NUP153: variants seen among roughly 807,000 people sequenced by gnomAD.
NUP153 encodes nucleoporin 153, also known as nuclear pore complex protein Nup153.
In NUP153, 27 loss-of-function variants were observed where a neutral mutation model predicts 134.6. That is an observed-to-expected ratio of 0.20 (90% confidence interval 0.15 to 0.28). The LOEUF (loss-of-function observed/expected upper bound fraction) is 0.28, where lower values mean the gene tolerates loss of function less well. Among genes scored for constraint, NUP153 ranks in the 10% least tolerant of loss-of-function variants. The pLI, the probability that NUP153 is intolerant of heterozygous loss-of-function variation, is 1.00. For missense variants in NUP153, 1,821 were observed against 1,731.3 expected, an observed-to-expected ratio of 1.05 and a Z score of -0.92; for synonymous variants, 640 against 623.5, an observed-to-expected ratio of 1.03 and a Z score of -0.40.
intron 5 of NUP153, among the ~76,000 whole-genome samples, chr6:17,672,675 AAAAAAAC>A (rs756798667): frequency 4.1e-4 from 63 of 151,992 alleles, no homozygotes; most frequent in African/African-American, 6.3e-4. Flanking sequence ...CCCATATGTT[AAAAAAAC>A]AAAAAACAAA....
At position 17,616,536 on chromosome 6, in the gene NUP153, A is replaced by T; in HGVS notation, c.4334T>A (p.Phe1445Tyr). ...GFPFNQSPAA[F>Y]TVGSNGKNVF... ...TAAAAAATTCTCTTACCCCACTGTA[A>T]ATGCTGCTGGAGACTGGTTAAATGG... Residue 1445 changes from phenylalanine to tyrosine, a missense_variant, in exon 21 of 22, where the codon TTT becomes TAT. Transcript: ENST00000262077. 1 of 1,607,428 alleles carries T rather than the reference A, an allele frequency of 6.2e-7. No individual in the cohort carries two copies. The highest frequency in any genetic ancestry group is 1.1e-5 in the South Asian group (1 of 90,094).
intron 1 of NUP153, among the ~76,000 whole-genome samples, chr6:17,695,627 T>C (rs9297042): frequency 0.12 from 17,992 of 152,230 alleles, 1,345 homozygotes; most frequent in East Asian, 0.31. Context: ...TATGTGTTTA[T>C]GATGCACAGC....
At chr6:17,636,350 A>G (rs2113782857) in intron 16 of NUP153, among the ~76,000 whole-genome samples, 1 of 152,068 alleles carries the variant, frequency 6.6e-6, no homozygotes, top group Admixed American at 6.6e-5. Flanking sequence ...AAAAAAAAAA[A>G]AGGAATGAAG....
intron 9 of NUP153, among the ~76,000 whole-genome samples, chr6:17,664,652 T>C (rs1767404382): frequency 6.6e-6 from 1 of 152,164 alleles, no homozygotes; most frequent in African/African-American, 2.4e-5. Context: ...TGCAGATAGT[T>C]CAACACCACC....
chr6:17,661,845 ACTG>A lies in NUP153; in HGVS notation c.1269-69_1269-67del, dbSNP rs968452570. 4 of 1,448,536 alleles carry A rather than the reference ACTG, an allele frequency of 2.8e-6. No homozygotes were observed. In the African/African-American group the frequency reaches 5.7e-5, roughly 21 times the overall value. 89.7% of individuals were successfully genotyped at this position (1,448,536 alleles called of 1,614,324 possible). Reference sequence around the variant, plus strand: ...TGTGGTCCATAACTTGTTAACTAGAACTGCTAACAAGTAAAAAAAAAATATACA... The same window carrying A: ...TGTGGTCCATAACTTGTTAACTAGAACTAACAAGTAAAAAAAAAATATACA... On this transcript the variant is annotated intron_variant, in intron 10 of 21. Coordinates refer to ENST00000262077, the MANE Select transcript of NUP153 (RefSeq NM_005124.4).
At position 17,615,726 on chromosome 6, in the gene NUP153, T is replaced by C. The variant is rs1475144952; in HGVS notation, c.*371A>G. 2 of 169,870 alleles carry C rather than the reference T, an allele frequency of 1.2e-5. No homozygotes were observed. The highest frequency in any genetic ancestry group is 2.5e-5 in the Non-Finnish European group (2 of 79,474). 10.5% of individuals were successfully genotyped at this position (169,870 alleles called of 1,614,324 possible). On this transcript the variant is annotated 3_prime_UTR_variant, in exon 22 of 22. Coordinates refer to ENST00000262077, the MANE Select transcript of NUP153 (RefSeq NM_005124.4). This position sits in a 1 kb window ranked among gnomAD's most constrained non-coding sequence, Gnocchi z 5.7. ...CAGAATTCCTCAGATATAATTACAATTTCAACGCGTTCCATGAACGCTTAT... is the reference window on the plus strand; with the variant it reads ...CAGAATTCCTCAGATATAATTACAACTTCAACGCGTTCCATGAACGCTTAT...
chr6:17,628,621 A>G lies in NUP153; in HGVS notation c.3544+34T>C. On this transcript the variant is annotated intron_variant, in intron 18 of 21. Coordinates refer to ENST00000262077, the MANE Select transcript of NUP153 (RefSeq NM_005124.4). This position sits in a 1 kb window ranked among gnomAD's most constrained non-coding sequence, Gnocchi z 5.4. ...AAAACGACAACTTGTAAAAAAAAAA[A>G]TAATAATAATAATAATAAAAAGTTA... The G allele has an allele frequency of 1.3e-6, 1 of 781,502 alleles. No homozygotes were observed. The highest frequency in any genetic ancestry group is 1.6e-6 in the Non-Finnish European group (1 of 614,074). 48.4% of individuals were successfully genotyped at this position (781,502 alleles called of 1,614,324 possible). A position where few individuals can be genotyped will look rare whatever the true frequency, so the allele number is the denominator to read the frequency against.
At chr6:17,656,634 G>A (rs1420152372) in intron 11 of NUP153, among the ~76,000 whole-genome samples, 1 of 152,012 alleles carries the variant, frequency 6.6e-6, no homozygotes, top group Non-Finnish European at 1.5e-5. Context: ...AACTTAGGGG[G>A]CACCAGGTTT....
intron 5 of NUP153, among the ~76,000 whole-genome samples, chr6:17,674,601 T>C (rs1768108443): frequency 6.6e-6 from 1 of 152,054 alleles, no homozygotes; most frequent in Non-Finnish European, 1.5e-5. Context: ...GAAACCCGTC[T>C]CTACTAAAAA....
At chr6:17,677,861 G>A (rs1210748730) in intron 2 of NUP153, among the ~76,000 whole-genome samples, 3 of 150,126 alleles carry the variant, frequency 2.0e-5, no homozygotes, top group African/African-American at 7.4e-5. Context: ...TTCTTCTTTC[G>A]TGTTTTCTGA....
intron 1 of NUP153, among the ~76,000 whole-genome samples, chr6:17,691,997 A>AT (rs1247570115): frequency 6.6e-6 from 1 of 152,146 alleles, no homozygotes; most frequent in Non-Finnish European, 1.5e-5. Flanking sequence ...AGATTTAAAA[A>AT]TTTTTTGGGG....
intron 8 of NUP153, among the ~76,000 whole-genome samples, chr6:17,667,567 G>A (rs537432264): frequency 8.6e-5 from 13 of 151,942 alleles, no homozygotes; most frequent in African/African-American, 3.1e-4. Context: ...ACAAAAAATC[G>A]GCCAGGCATG....
rs1029545299 is a variant in NUP153 at position 17,706,151 on chromosome 6, C to G, written c.111+126G>C. On this transcript the variant is annotated intron_variant, in intron 1 of 21. Transcript: ENST00000262077. This position sits in a 1 kb window ranked among gnomAD's most constrained non-coding sequence, Gnocchi z 5.9. ...CCCAACGGCCTGAGCTCCCCCGGAG[C>G]CTCACTCGGGCCTTTCCTCAGGCCC... 4.0e-6 allele frequency: 3 copies of G among 743,928 alleles called. No homozygotes were observed. Among genetic ancestry groups the G allele is most frequent in the Non-Finnish European group, 6.8e-6 (3 of 443,444 alleles). The allele number at this position is 743,928 out of a possible 1,614,324, so 46.1% of individuals were successfully genotyped here. A position where few individuals can be genotyped will look rare whatever the true frequency, so the allele number is the denominator to read the frequency against.
Position 17,706,252 on chromosome 6 carries a change from C to A in NUP153, c.111+25G>T, listed in dbSNP as rs1276648032. 2.5e-6 allele frequency: 4 copies of A among 1,578,102 alleles called. No homozygotes were observed. On this transcript the variant is annotated intron_variant, in intron 1 of 21. Coordinates refer to ENST00000262077, the MANE Select transcript of NUP153 (RefSeq NM_005124.4). The surrounding 1 kb of genome is among the most constrained non-coding windows in gnomAD (Gnocchi z 5.9). ...CAGCCGAGTTTCCCCACCCGCCAGG[C>A]CACCGCGGCGTCGGGGTCCCATACC...
rs1770495810 is a variant in NUP153 at position 17,706,312 on chromosome 6, T to C, written c.76A>G (p.Ile26Val). Residue 26 changes from isoleucine to valine, a missense_variant, in exon 1 of 22, where the codon ATT becomes GTT. Coordinates refer to ENST00000262077, the MANE Select transcript of NUP153 (RefSeq NM_005124.4). The surrounding 1 kb of genome is among the most constrained non-coding windows in gnomAD (Gnocchi z 5.9). ...TGTCGCCCCTGCTGGTAAGGCTTAA[T>C]TGGCCCCTGGTGGCAACGCCGCGTC... ...IRTRRCHQGPIKPYQQGRQQH... is the reference protein window; with the variant it reads ...IRTRRCHQGPVKPYQQGRQQH... The C allele has an allele frequency of 1.2e-6, 2 of 1,613,726 alleles. No homozygotes were observed. The highest frequency in any genetic ancestry group is 2.2e-5 in the East Asian group (1 of 44,852).
chr6:17,617,419 A>G (rs562250006), intron 20 of NUP153, among the ~76,000 whole-genome samples: 1 of 150,014 alleles, frequency 6.7e-6, no homozygotes, highest in East Asian at 2.0e-4. Context: ...CATACCCAAA[A>G]TGTTTAGGTT....
At chr6:17,632,057 G>A (rs1241395726) in intron 17 of NUP153, among the ~76,000 whole-genome samples, 1 of 152,174 alleles carries the variant, frequency 6.6e-6, no homozygotes, top group African/African-American at 2.4e-5. Flanking sequence ...AATATTAAGA[G>A]TTCTTTTCCT....
At chr6:17,669,392 G>T in intron 6 of NUP153, 38 bp downstream of exon 6, 2 of 1,593,834 alleles carry the variant, frequency 1.3e-6, no homozygotes, top group Non-Finnish European at 1.7e-6. Context: ...ATCAAGTTTT[G>T]TTACACTCCT....
At chr6:17,663,699 A>G (rs1467199384) in intron 9 of NUP153, among the ~76,000 whole-genome samples, 1 of 152,234 alleles carries the variant, frequency 6.6e-6, no homozygotes, top group Non-Finnish European at 1.5e-5. Context: ...TAATCTTTCT[A>G]AGTTTCAAGG....
Sources: gnomAD v4.1 joint callset for allele counts (sites outside exome capture counted in the v4.1 genomes callset) on GRCh38, gnomAD v4.1.1 for gene constraint, Gnocchi (gnomAD v3.1) non-coding constraint, MANE v1.5 for transcripts, NCBI Gene and HGNC (gene_info 2026-07-23, HGNC 2026-07-21) for gene names.